Variants in PDE4D observed in about 807,000 individuals in gnomAD.
PDE4D encodes the protein phosphodiesterase 4D, also known as 3',5'-cyclic-AMP phosphodiesterase 4D.
In PDE4D, 24 loss-of-function variants were observed where a neutral mutation model predicts 87.4. The ratio of observed to expected loss-of-function variants is 0.27; its 90% CI spans 0.20 to 0.39. The LOEUF is 0.39. Among genes scored for constraint, PDE4D ranks in the 10% least tolerant of loss-of-function variants. The probability of loss-of-function intolerance (pLI) is 1.00; values close to 1 mark genes in which losing one functional copy is unlikely to be tolerated. For synonymous variants in PDE4D, 384 were observed against 383.2 expected (o/e 1.00, Z -0.02); for missense variants, 714 against 1,041.0 (o/e 0.69, Z 4.32).
intron 1 of PDE4D, among the ~76,000 whole-genome samples, chr5:59,701,422 T>C (rs1752547980): frequency 6.6e-6 from 1 of 152,234 alleles, no homozygotes. Flanking sequence ...TTATTTATGT[T>C]AGTGTCTTCA....
chr5:58,990,851 A>G lies in PDE4D; in HGVS notation c.1240T>C (p.Leu414=), dbSNP rs1369547103. 6.2e-6 allele frequency: 10 copies of G among 1,606,952 alleles called. No individual in the cohort carries two copies. The South Asian group carries it at 8.9e-5, about 14-fold the overall frequency. Residue 414 remains leucine (L), a synonymous_variant, in exon 9 of 15, where the codon TTG becomes CTG. Transcript: ENST00000340635. ...ACAGTCAAGGGCCGGTTACCAGACA[A>G]CTCTGCTATTCTGAAAACATGAAGA... ...WGLHVFRIAE[L]SGNRPLTVIM... is the part of the protein sequence containing the mutation.
At chr5:60,405,337 C>T (rs1354706522) in intron 1 of PDE4D, among the ~76,000 whole-genome samples, 1 of 152,198 alleles carries the variant, frequency 6.6e-6, no homozygotes, top group East Asian at 1.9e-4. Context: ...TCACCTCACT[C>T]TCATAACTCT....
chr5:59,037,213 GTAAC>G (rs1758683350), intron 6 of PDE4D, among the ~76,000 whole-genome samples: 1 of 152,178 alleles, frequency 6.6e-6, no homozygotes, highest in Non-Finnish European at 1.5e-5. Flanking sequence ...TTTAGGGAAA[GTAAC>G]TAGCTGCTCA....
At chr5:59,057,223 G>C (rs536122232) in intron 5 of PDE4D, among the ~76,000 whole-genome samples, 129 of 152,218 alleles carry the variant, frequency 8.5e-4, no homozygotes, top group African/African-American at 2.9e-3. Flanking sequence ...ACCAAATGCT[G>C]GGTTATGCTG....
chr5:59,003,587 G>A (rs1750968981), intron 6 of PDE4D, among the ~76,000 whole-genome samples: 1 of 152,172 alleles, frequency 6.6e-6, no homozygotes, highest in Admixed American at 6.5e-5. Flanking sequence ...CTGAGAAAGA[G>A]AAACAAAGCT....
intron 1 of PDE4D, among the ~76,000 whole-genome samples, chr5:59,393,763 C>A (rs1788715102): frequency 1.3e-5 from 2 of 152,202 alleles, no homozygotes; most frequent in Admixed American, 1.3e-4. Flanking sequence ...ATGCAAAACT[C>A]ATCTTCAATC....
chr5:59,705,128 TTTTC>T (rs1249679938), intron 1 of PDE4D, among the ~76,000 whole-genome samples: 1 of 152,124 alleles, frequency 6.6e-6, no homozygotes, highest in Non-Finnish European at 1.5e-5. Context: ...TGTGAGGGAT[TTTTC>T]TTTTTTTGGA....
intron 3 of PDE4D, among the ~76,000 whole-genome samples, chr5:59,942,678 C>T (rs973826425): frequency 2.6e-5 from 4 of 151,926 alleles, no homozygotes; most frequent in Non-Finnish European, 4.4e-5. Context: ...GGTTATTGTT[C>T]TTCTTACTAA....
intron 2 of PDE4D, among the ~76,000 whole-genome samples, chr5:60,039,076 G>C (rs1357166591): frequency 9.9e-5 from 15 of 151,052 alleles, no homozygotes; most frequent in East Asian, 2.0e-4. Flanking sequence ...ACCCAGCCAT[G>C]CCATTACTGG....
rs114069479 is a variant in PDE4D at position 59,650,491 on chromosome 5, C to A, written c.455+242677G>T. ...CTAACTCTGCACTCTGCTGTATAGC[C>A]AGCAATGACAAGTATCCTGAATTGA... On this transcript the variant is annotated intron_variant, in intron 1 of 14. Coordinates refer to ENST00000340635, the MANE Select transcript of PDE4D (RefSeq NM_001104631.2). Among the ~76,000 whole-genome samples the A allele has an allele frequency of 5.0e-3, 763 of 152,100 alleles. 3 individuals carry two copies. The highest frequency in any genetic ancestry group is 0.015 in the African/African-American group (610 of 41,476).
chr5:59,952,998 C>T (rs914445088), intron 3 of PDE4D, among the ~76,000 whole-genome samples: 1 of 152,048 alleles, frequency 6.6e-6, no homozygotes, highest in Non-Finnish European at 1.5e-5. Flanking sequence ...ACTTTATATG[C>T]AGAAATAGAA....
At chr5:59,989,066 T>C (rs917129200) in intron 2 of PDE4D, among the ~76,000 whole-genome samples, 7 of 144,986 alleles carry the variant, frequency 4.8e-5, no homozygotes, top group Admixed American at 1.4e-4. Flanking sequence ...ATTAAATATA[T>C]ACATTGACAT....
chr5:60,117,971 A>G (rs949425550), intron 2 of PDE4D, among the ~76,000 whole-genome samples: 2 of 152,092 alleles, frequency 1.3e-5, no homozygotes, highest in African/African-American at 2.4e-5. Flanking sequence ...CATGAGCACC[A>G]ACTTGCCAAA....
At chr5:59,891,581 T>C (rs1750962146) in intron 1 of PDE4D, among the ~76,000 whole-genome samples, 1 of 152,234 alleles carries the variant, frequency 6.6e-6, no homozygotes, top group Non-Finnish European at 1.5e-5. Flanking sequence ...AAGTCTGCAG[T>C]CTTTGATCTG....
At chr5:60,180,490 A>G (rs1446666107) in intron 2 of PDE4D, among the ~76,000 whole-genome samples, 1 of 152,170 alleles carries the variant, frequency 6.6e-6, no homozygotes, top group African/African-American at 2.4e-5. Flanking sequence ...AAAGAATTAA[A>G]GATTAAAATG....
At chr5:59,647,819 T>C (rs1290858895) in intron 1 of PDE4D, among the ~76,000 whole-genome samples, 1 of 152,192 alleles carries the variant, frequency 6.6e-6, no homozygotes, top group African/African-American at 2.4e-5. Context: ...ATGAGATGAC[T>C]GAATGGAACT....
At chr5:60,007,708 T>C (rs1414835874) in intron 2 of PDE4D, among the ~76,000 whole-genome samples, 7 of 152,046 alleles carry the variant, frequency 4.6e-5, no homozygotes. Flanking sequence ...CCTTGTTTCA[T>C]GACCCTCTAC....
chr5:59,110,755 C>T (rs1580846688), intron 5 of PDE4D, among the ~76,000 whole-genome samples: 1 of 152,214 alleles, frequency 6.6e-6, no homozygotes, highest in East Asian at 1.9e-4. Flanking sequence ...GCCTGTAGTC[C>T]CAGCTACTTG....
intron 1 of PDE4D, among the ~76,000 whole-genome samples, chr5:59,305,514 A>G (rs1436136342): frequency 2.0e-5 from 3 of 151,512 alleles, no homozygotes; most frequent in Non-Finnish European, 4.4e-5. Context: ...TTGCTCTTTC[A>G]GTCTTTTTGA....
Sources: gnomAD v4.1 joint callset for allele counts (sites outside exome capture counted in the v4.1 genomes callset) on GRCh38, gnomAD v4.1.1 for gene constraint, MANE v1.5 for transcripts, NCBI Gene and HGNC (gene_info 2026-07-23, HGNC 2026-07-21) for gene names.